DPY19L2: variants seen among roughly 807,000 people sequenced by gnomAD.
DPY19L2 encodes the protein dpy-19 like 2.
DPY19L2 carries 34 observed loss-of-function variants against 97.9 expected under a neutral mutation model. That is an observed-to-expected ratio of 0.35 (90% CI 0.26 to 0.46). The LOEUF (loss-of-function observed/expected upper bound fraction) is 0.46. DPY19L2 is among the 20% of genes least tolerant of loss of function. The pLI, the probability that DPY19L2 is intolerant of heterozygous loss-of-function variation, is 1.00. For missense variants in DPY19L2, 623 were observed against 911.4 expected (o/e 0.68, Z 4.07); for synonymous variants, 230 against 307.9 (o/e 0.75, Z 2.65).
chr12:63,582,290 T>C, intron 18 of DPY19L2, 116 bp downstream of exon 18: 2 of 1,062,190 alleles, frequency 1.9e-6, no homozygotes, highest in Non-Finnish European at 2.6e-6. Flanking sequence ...TTAACTTAGT[T>C]AAGTTAAAAA....
chr12:63,638,382 T>C (rs566006366), intron 6 of DPY19L2, among the ~76,000 whole-genome samples: 69 of 152,130 alleles, frequency 4.5e-4, no homozygotes, highest in Non-Finnish European at 6.2e-4. Flanking sequence ...GAGAAAGAAA[T>C]AAAGTGTATT....
intron 16 of DPY19L2, among the ~76,000 whole-genome samples, chr12:63,585,490 C>T (rs1881639644): frequency 1.3e-5 from 2 of 151,910 alleles, no homozygotes; most frequent in South Asian, 4.2e-4. Flanking sequence ...ATAGTAGAGA[C>T]CAAATTATTC....
intron 19 of DPY19L2, among the ~76,000 whole-genome samples, chr12:63,579,006 C>CA (rs1466128393): frequency 1.3e-5 from 2 of 151,548 alleles, no homozygotes; most frequent in Non-Finnish European, 2.9e-5. Context: ...CAGGGTCTTC[C>CA]AAAAAAAACT....
intron 6 of DPY19L2, among the ~76,000 whole-genome samples, chr12:63,634,851 G>A (rs1412727261): frequency 6.6e-6 from 1 of 152,190 alleles, no homozygotes; most frequent in Non-Finnish European, 1.5e-5. Flanking sequence ...CTCCACCTCT[G>A]GGGGCAGGAC....
At chr12:63,656,746 T>G (rs956515858) in intron 4 of DPY19L2, among the ~76,000 whole-genome samples, 4 of 152,154 alleles carry the variant, frequency 2.6e-5, no homozygotes, top group African/African-American at 9.7e-5. Flanking sequence ...CCTCCACTTT[T>G]TTTTCTCTTT....
intron 21 of DPY19L2, among the ~76,000 whole-genome samples, chr12:63,566,727 T>C (rs1353727219): frequency 6.6e-6 from 1 of 152,030 alleles, no homozygotes; most frequent in Admixed American, 6.6e-5. Flanking sequence ...GTTTAGGCTA[T>C]TACAAATAAA....
intron 1 of DPY19L2, among the ~76,000 whole-genome samples, 163 bp from the exon 2 acceptor site, chr12:63,666,022 C>A (rs1206885588): frequency 2.6e-5 from 4 of 152,134 alleles, no homozygotes; most frequent in Non-Finnish European, 5.9e-5. Flanking sequence ...AAATCCAGGA[C>A]ACAAAGCAAA....
intron 6 of DPY19L2, among the ~76,000 whole-genome samples, chr12:63,631,656 T>G (rs1281403282): frequency 6.6e-6 from 1 of 152,092 alleles, no homozygotes; most frequent in Non-Finnish European, 1.5e-5. Flanking sequence ...CTGGTACCAT[T>G]CCTTCTGAAA....
chr12:63,626,912 C>T (rs570090850), intron 6 of DPY19L2, among the ~76,000 whole-genome samples: 5 of 151,948 alleles, frequency 3.3e-5, no homozygotes, highest in Non-Finnish European at 5.9e-5. Context: ...CCAAGTAGCT[C>T]GGATTACAGG....
chr12:63,655,057 A>T (rs1202944202), intron 4 of DPY19L2, among the ~76,000 whole-genome samples: 2 of 152,178 alleles, frequency 1.3e-5, no homozygotes, highest in African/African-American at 4.8e-5. Context: ...AGACTGGGAA[A>T]ATATGTTTGC....
Position 63,570,862 on chromosome 12 carries a change from A to G in DPY19L2, c.1901-5T>C. 1 of 1,241,254 alleles carries G rather than the reference A, an allele frequency of 8.1e-7. No homozygotes were observed. Among genetic ancestry groups the G allele is most frequent in the East Asian group, 2.7e-5 (1 of 37,384 alleles). 76.9% of individuals were successfully genotyped at this position (1,241,254 alleles called of 1,614,324 possible). ...TGGCACCTGCAAAGACAGCATCTGA[A>G]AAAAAAAAAAGGATATATTCTTCAA... is the stretch of plus-strand genomic sequence containing the variant. On this transcript the variant is annotated splice_region_variant and splice_polypyrimidine_tract_variant and intron_variant, in intron 19 of 21. Coordinates refer to ENST00000324472, the MANE Select transcript of DPY19L2 (RefSeq NM_173812.5).
At chr12:63,583,390 G>A (rs1308473005) in intron 17 of DPY19L2, among the ~76,000 whole-genome samples, 3 of 152,110 alleles carry the variant, frequency 2.0e-5, no homozygotes, top group African/African-American at 4.8e-5. Flanking sequence ...CCATACTGAA[G>A]GGCAGGAACA....
intron 4 of DPY19L2, among the ~76,000 whole-genome samples, chr12:63,658,223 G>A (rs551476303): frequency 6.6e-6 from 1 of 152,238 alleles, no homozygotes; most frequent in African/African-American, 2.4e-5. Flanking sequence ...GGCCAGGCAT[G>A]GTGGCTCACG....
intron 19 of DPY19L2, among the ~76,000 whole-genome samples, chr12:63,574,142 T>C (rs1879393894): frequency 6.6e-6 from 1 of 151,908 alleles, no homozygotes; most frequent in African/African-American, 2.4e-5. Flanking sequence ...CAATAAGATA[T>C]AAATAGAAAC....
intron 18 of DPY19L2, among the ~76,000 whole-genome samples, chr12:63,581,479 CTTTTTTT>C (rs71086686): frequency 2.2e-5 from 2 of 91,840 alleles, no homozygotes; most frequent in African/African-American, 4.4e-5. Context: ...CCAGGAAACT[CTTTTTTT>C]TTTTTTTTTT....
At chr12:63,659,168 A>G (rs1431530780) in intron 4 of DPY19L2, among the ~76,000 whole-genome samples, 4 of 152,206 alleles carry the variant, frequency 2.6e-5, no homozygotes, top group Admixed American at 2.6e-4. Context: ...AGGATTCTAC[A>G]AAAAAGCTAC....
intron 12 of DPY19L2, among the ~76,000 whole-genome samples, chr12:63,603,171 G>A (rs1885458090): frequency 6.6e-6 from 1 of 151,882 alleles, no homozygotes; most frequent in African/African-American, 2.4e-5. Context: ...ATGAAAGAGT[G>A]AAAATAAATG....
At chr12:63,644,672 T>C (rs753261214) in intron 5 of DPY19L2, among the ~76,000 whole-genome samples, 176 bp from the exon 6 acceptor site, 2 of 151,736 alleles carry the variant, frequency 1.3e-5, no homozygotes, top group Non-Finnish European at 2.9e-5. Flanking sequence ...GTGTGTGTGC[T>C]TGCAGACACA....
At chr12:63,637,393 A>G (rs1273971219) in intron 6 of DPY19L2, among the ~76,000 whole-genome samples, 1 of 152,098 alleles carries the variant, frequency 6.6e-6, no homozygotes, top group Non-Finnish European at 1.5e-5. Flanking sequence ...GAGACACAAA[A>G]AACTCTTTAA....
Sources: gnomAD v4.1 joint callset for allele counts (sites outside exome capture counted in the v4.1 genomes callset) on GRCh38, gnomAD v4.1.1 for gene constraint, MANE v1.5 for transcripts, NCBI Gene and HGNC (gene_info 2026-07-23, HGNC 2026-07-21) for gene names.